PTGFRN: variants seen among roughly 807,000 people sequenced by gnomAD.
PTGFRN encodes prostaglandin F2 receptor negative regulator.
In PTGFRN, 35 loss-of-function variants were observed where a neutral mutation model predicts 83.2. That is an observed-to-expected ratio of 0.42 (90% confidence interval 0.32 to 0.56). The LOEUF (loss-of-function observed/expected upper bound fraction) is 0.56, where lower values mean the gene tolerates loss of function less well. PTGFRN is among the 20% of genes least tolerant of loss of function. PTGFRN has a pLI of 0.11. For missense variants in PTGFRN, 1,051 were observed against 1,179.5 expected (o/e 0.89, Z 1.60); for synonymous variants, 519 against 498.6 (o/e 1.04, Z -0.55).
intron 1 of PTGFRN, among the ~76,000 whole-genome samples, chr1:116,924,670 T>C (rs1352433779): frequency 6.6e-6 from 1 of 152,250 alleles, no homozygotes; most frequent in Admixed American, 6.5e-5. Flanking sequence ...CCACATGCTC[T>C]GCGCTTTCTG....
intron 1 of PTGFRN, among the ~76,000 whole-genome samples, chr1:116,913,779 A>T (rs1649333427): frequency 6.6e-6 from 1 of 152,206 alleles, no homozygotes; most frequent in South Asian, 2.1e-4. Context: ...GTAGCCATTA[A>T]AAGTTTGTAG....
chr1:116,920,361 C>T (rs1649507934), intron 1 of PTGFRN, among the ~76,000 whole-genome samples: 1 of 152,176 alleles, frequency 6.6e-6, no homozygotes, highest in Non-Finnish European at 1.5e-5. Flanking sequence ...GTATCATTAC[C>T]AATTTTCTTT....
At chr1:116,984,193 A>AT (rs1651398093) in intron 7 of PTGFRN, among the ~76,000 whole-genome samples, 1 of 152,180 alleles carries the variant, frequency 6.6e-6, no homozygotes, top group Admixed American at 6.5e-5. Context: ...AATTCATTTT[A>AT]TGTACATTTT....
chr1:116,922,585 G>A (rs1004706837), intron 1 of PTGFRN, among the ~76,000 whole-genome samples: 37 of 152,164 alleles, frequency 2.4e-4, no homozygotes, highest in African/African-American at 8.9e-4. Context: ...GGTGGCATAT[G>A]CTGCCCAGTG....
At position 116,949,304 on chromosome 1, in the gene PTGFRN, G is replaced by T. The variant is rs1171035577; in HGVS notation, c.945G>T (p.Trp315Cys). The T allele has an allele frequency of 6.2e-7, 1 of 1,614,276 alleles. No individual in the cohort carries two copies. The highest frequency in any genetic ancestry group is 8.5e-7 in the Non-Finnish European group (1 of 1,180,048). ...ATGACGTCCGGCCCGAGGTGACGTG[G>T]TCCTTCAGCAGGATGCCTGACAGCA... ...RADDVRPEVT[W>C]SFSRMPDSTL... Residue 315 changes from tryptophan to cysteine, a missense_variant, in exon 4 of 9, where the codon TGG becomes TGT. Trp to Cys is a radical substitution (Grantham distance 215). Coordinates refer to ENST00000393203, the MANE Select transcript of PTGFRN (RefSeq NM_020440.4).
At chr1:116,911,714 C>T (rs1649276919) in intron 1 of PTGFRN, among the ~76,000 whole-genome samples, 1 of 152,232 alleles carries the variant, frequency 6.6e-6, no homozygotes, top group Non-Finnish European at 1.5e-5. Context: ...ACAACCACAG[C>T]TCACTGAAGC....
At chr1:116,977,486 C>T (rs553514643) in intron 7 of PTGFRN, among the ~76,000 whole-genome samples, 3 of 152,268 alleles carry the variant, frequency 2.0e-5, no homozygotes, top group Admixed American at 1.3e-4. Context: ...GTAAAGCACT[C>T]CTCAGCAAAT....
At chr1:116,916,421 T>C (rs766145322) in intron 1 of PTGFRN, among the ~76,000 whole-genome samples, 2 of 152,216 alleles carry the variant, frequency 1.3e-5, no homozygotes, top group Non-Finnish European at 2.9e-5. Context: ...GAGTTACTTC[T>C]TGGAGCTTAA....
At chr1:116,985,066 C>G in intron 8 of PTGFRN, 81 bp downstream of exon 8, 1 of 1,448,382 alleles carries the variant, frequency 6.9e-7, no homozygotes. Context: ...ACCCAGGTGG[C>G]CACAGTTTGA....
chr1:116,982,578 C>T (rs769219005), intron 7 of PTGFRN, among the ~76,000 whole-genome samples: 4 of 151,788 alleles, frequency 2.6e-5, no homozygotes, highest in African/African-American at 9.7e-5. Flanking sequence ...GACAAGCACG[C>T]GAGTGATGGA....
intron 1 of PTGFRN, among the ~76,000 whole-genome samples, chr1:116,937,794 G>T (rs1649958767): frequency 6.6e-6 from 1 of 152,172 alleles, no homozygotes; most frequent in Non-Finnish European, 1.5e-5. Context: ...CAAGGTGAAT[G>T]ACTATGATCA....
chr1:116,949,298 G>A lies in PTGFRN; in HGVS notation c.939G>A (p.Val313=). ...TDRADDVRPE[V]TWSFSRMPDS... ...GAGCCGATGACGTCCGGCCCGAGGTGACGTGGTCCTTCAGCAGGATGCCTG... is the reference window on the plus strand; with the variant it reads ...GAGCCGATGACGTCCGGCCCGAGGTAACGTGGTCCTTCAGCAGGATGCCTG... Residue 313 remains valine (V), a synonymous_variant, in exon 4 of 9, where the codon GTG becomes GTA. Coordinates refer to ENST00000393203, the MANE Select transcript of PTGFRN (RefSeq NM_020440.4). 1.2e-6 allele frequency: 2 copies of A among 1,614,288 alleles called. No individual in the cohort carries two copies. The highest frequency in any genetic ancestry group is 2.2e-5 in the South Asian group (2 of 91,092).
chr1:116,981,917 T>C (rs192191815), intron 7 of PTGFRN, among the ~76,000 whole-genome samples: 2 of 152,078 alleles, frequency 1.3e-5, no homozygotes, highest in African/African-American at 2.4e-5. Context: ...TCTTTAGAGG[T>C]AGGAAACAGA....
chr1:116,951,628 C>A (rs1035383771), intron 4 of PTGFRN, among the ~76,000 whole-genome samples: 1 of 152,122 alleles, frequency 6.6e-6, no homozygotes, highest in African/African-American at 2.4e-5. Context: ...GTAAACCTAA[C>A]GAAAGAGCGA....
Position 116,974,387 on chromosome 1 carries a change from G to A in PTGFRN, c.2167+64G>A, listed in dbSNP as rs7543662. On this transcript the variant is annotated intron_variant, in intron 7 of 8. Transcript: ENST00000393203. Reference sequence around the variant, plus strand: ...TCTGTAAATGTTTCTCATATCATCCGCACTGTGTTACACAGATGTGGGTTA... The same window carrying A: ...TCTGTAAATGTTTCTCATATCATCCACACTGTGTTACACAGATGTGGGTTA... The A allele has an allele frequency of 4.0e-4, 500 of 1,260,682 alleles. No homozygotes were observed. In the African/African-American group the frequency reaches 5.0e-3, roughly 13 times the overall value. The allele number at this position is 1,260,682 out of a possible 1,614,324, so 78.1% of individuals were successfully genotyped here. A position where few individuals can be genotyped will look rare whatever the true frequency, so the allele number is the denominator to read the frequency against.
At chr1:116,942,696 TA>T (rs1650092568) in intron 2 of PTGFRN, among the ~76,000 whole-genome samples, 1 of 152,252 alleles carries the variant, frequency 6.6e-6, no homozygotes. Context: ...GTGTTATATG[TA>T]ATGTGGTCTC....
rs536120668 is a variant in PTGFRN at position 116,978,641 on chromosome 1, A to G, written c.2167+4318A>G. ...AAAAACCACATGATTATCTCAATAG[A>G]TGCAGAAAAGGCCTTTGACAAAATT... On this transcript the variant is annotated intron_variant, in intron 7 of 8. Coordinates refer to ENST00000393203, the MANE Select transcript of PTGFRN (RefSeq NM_020440.4). Among the ~76,000 whole-genome samples the G allele has an allele frequency of 1.6e-3, 250 of 152,344 alleles. 2 individuals are homozygous for G. Among genetic ancestry groups the G allele is most frequent in the African/African-American group, 5.6e-3 (234 of 41,580 alleles).
Position 116,967,182 on chromosome 1 carries a change from G to A in PTGFRN, c.1911G>A (p.Glu637=). The change falls in exon 6 of 9, where the codon GAG becomes GAA. Residue 637 remains glutamate, a synonymous_variant. Transcript: ENST00000393203. ...GVVLEKVQED[E]FRYRMYQTQV... is the part of the protein sequence containing the mutation. ...TTTTAGAAAAAGTGCAGGAGGATGA[G>A]TTCCGCTATCGAATGTACCAGACTC... 2 of 1,614,210 alleles carry A rather than the reference G, an allele frequency of 1.2e-6. No homozygotes were observed. Among genetic ancestry groups the A allele is most frequent in the South Asian group, 2.2e-5 (2 of 91,082 alleles).
At chr1:116,951,386 T>C (rs905923847) in intron 4 of PTGFRN, among the ~76,000 whole-genome samples, 1 of 152,258 alleles carries the variant, frequency 6.6e-6, no homozygotes, top group Non-Finnish European at 1.5e-5. Flanking sequence ...GGAGTGCTAC[T>C]ACCATTGTGA....
Sources: gnomAD v4.1 joint callset for allele counts (sites outside exome capture counted in the v4.1 genomes callset) on GRCh38, gnomAD v4.1.1 for gene constraint, MANE v1.5 for transcripts, NCBI Gene and HGNC (gene_info 2026-07-23, HGNC 2026-07-21) for gene names.